The following GRID2 variants were observed in gnomAD, a reference collection of about 807,000 sequenced individuals.
The protein encoded by GRID2 is glutamate receptor ionotropic, delta-2.
In GRID2, 33 loss-of-function variants were observed where a neutral mutation model predicts 114.8. The observed-to-expected ratio is 0.29, with a 90% CI of 0.22 to 0.38. The LOEUF (loss-of-function observed/expected upper bound fraction) is 0.38, where lower values mean the gene tolerates loss of function less well. Among genes scored for constraint, GRID2 ranks in the 10% least tolerant of loss-of-function variants. The pLI, the probability that GRID2 is intolerant of heterozygous loss-of-function variation, is 1.00. For missense variants in GRID2, 1,184 were observed against 1,257.7 expected, an observed-to-expected ratio of 0.94 and a Z score of 0.89; for synonymous variants, 505 against 449.9, an observed-to-expected ratio of 1.12 and a Z score of -1.55.
intron 1 of GRID2, among the ~76,000 whole-genome samples, chr4:92,366,987 C>A (rs1728901961): frequency 6.6e-6 from 1 of 151,926 alleles, no homozygotes; most frequent in Non-Finnish European, 1.5e-5. Flanking sequence ...GTTGTCATAC[C>A]TCTATAGTCC....
Position 93,582,708 on chromosome 4 carries a change from G to GT in GRID2, c.2194-43553dup, listed in dbSNP as rs569936742. 3.2e-4 allele frequency among the ~76,000 whole-genome samples: 49 copies of GT among 151,326 alleles called. 1 individual carries two copies. The East Asian group carries it at 8.2e-3, about 25-fold the overall frequency. ...GAGACCTTACTTGTTATGTATTTGT[G>GT]TTTTTTTTAATAATAAAATAAGGAG... On this transcript the variant is annotated intron_variant, in intron 13 of 15. Coordinates refer to ENST00000282020, the MANE Select transcript of GRID2 (RefSeq NM_001510.4).
chr4:92,831,020 T>C (rs905858922), intron 2 of GRID2, among the ~76,000 whole-genome samples: 3 of 152,164 alleles, frequency 2.0e-5, no homozygotes, highest in Admixed American at 6.6e-5. Context: ...CAATGCCATA[T>C]TGCCTGACAT....
At chr4:93,166,467 C>A (rs935231585) in intron 4 of GRID2, among the ~76,000 whole-genome samples, 2 of 152,098 alleles carry the variant, frequency 1.3e-5, no homozygotes, top group South Asian at 2.1e-4. Context: ...GAGAAAGAGA[C>A]CTTATCTCTG....
chr4:92,419,675 G>C (rs1018152847), intron 1 of GRID2, among the ~76,000 whole-genome samples: 20 of 151,942 alleles, frequency 1.3e-4, no homozygotes, highest in Admixed American at 9.9e-4. Flanking sequence ...AATGAGCAAA[G>C]CTTGAGAGGA....
At chr4:93,587,924 A>C (rs1298159519) in intron 13 of GRID2, among the ~76,000 whole-genome samples, 33 of 152,264 alleles carry the variant, frequency 2.2e-4, no homozygotes, top group Non-Finnish European at 2.9e-5. Context: ...GTTATCAGAT[A>C]ATCATTCTTT....
At chr4:92,880,585 C>T (rs1434658170) in intron 2 of GRID2, among the ~76,000 whole-genome samples, 1 of 151,976 alleles carries the variant, frequency 6.6e-6, no homozygotes. Context: ...GTGTTTGTTT[C>T]GTTTCAACAT....
intron 2 of GRID2, among the ~76,000 whole-genome samples, chr4:93,078,779 G>GTATATAAATATAATTATATTTATGTACTA (rs1387843347): frequency 1.0e-4 from 13 of 127,730 alleles, no homozygotes; most frequent in East Asian, 4.6e-4. Flanking sequence ...TTTATATACT[G>GTATATAAATATAATTATATTTATGTACTA]TATATACTAA....
At chr4:92,323,368 C>A (rs1185084447) in intron 1 of GRID2, among the ~76,000 whole-genome samples, 1 of 152,000 alleles carries the variant, frequency 6.6e-6, no homozygotes, top group Non-Finnish European at 1.5e-5. Context: ...TCTCTAGATA[C>A]CATGTTATCT....
At chr4:92,435,041 T>A (rs374127438) in intron 1 of GRID2, among the ~76,000 whole-genome samples, 6 of 152,302 alleles carry the variant, frequency 3.9e-5, no homozygotes, top group African/African-American at 1.4e-4. Context: ...GATTATTATG[T>A]CTTTATGATA....
chr4:92,919,318 A>AT (rs1276831623), intron 2 of GRID2, among the ~76,000 whole-genome samples: 13 of 151,850 alleles, frequency 8.6e-5, no homozygotes, highest in Non-Finnish European at 1.8e-4. Context: ...GGATTCATTG[A>AT]TTTTTTTAAA....
At chr4:93,539,510 A>AC (rs1442823141) in intron 13 of GRID2, among the ~76,000 whole-genome samples, 1 of 151,872 alleles carries the variant, frequency 6.6e-6, no homozygotes. Flanking sequence ...CTGTTCCTTC[A>AC]CCAATATTCT....
At chr4:92,792,164 G>A (rs1032054183) in intron 2 of GRID2, among the ~76,000 whole-genome samples, 8 of 151,662 alleles carry the variant, frequency 5.3e-5, no homozygotes, top group Non-Finnish European at 1.2e-4. Context: ...TTACTGTGCA[G>A]CTTTAAGCTC....
intron 1 of GRID2, among the ~76,000 whole-genome samples, chr4:93,787,377 T>C (rs568973112): frequency 7.2e-5 from 11 of 151,916 alleles, no homozygotes; most frequent in Non-Finnish European, 1.5e-4. Context: ...AAAAAGCACA[T>C]TGGGAGAAAA....
rs192323178 is a variant in GRID2, at chr4:93,411,269, G to C, written c.1348-11502G>C. Reference sequence around the variant, plus strand: ...ACTATTGAGCATGAATACACAAAAAGTTTTTAAAGTACCCAGCACATACTA... The same window carrying C: ...ACTATTGAGCATGAATACACAAAAACTTTTTAAAGTACCCAGCACATACTA... On this transcript the variant is annotated intron_variant, in intron 9 of 15. Transcript: ENST00000282020. Among the ~76,000 whole-genome samples, 14 of 152,010 alleles carry C rather than the reference G, an allele frequency of 9.2e-5. 1 individual carries two copies. The highest frequency in any genetic ancestry group is 2.1e-4 in the South Asian group (1 of 4,808).
At chr4:92,479,952 G>A (rs114770449) in intron 1 of GRID2, among the ~76,000 whole-genome samples, 1,637 of 152,154 alleles carry the variant, frequency 0.011, 26 homozygotes, top group African/African-American at 0.037. Context: ...AAGTTTTAGC[G>A]TAATTGATAG....
chr4:92,743,553 A>G, intron 2 of GRID2, among the ~76,000 whole-genome samples: 1 of 152,204 alleles, frequency 6.6e-6, no homozygotes, highest in Non-Finnish European at 1.5e-5. Context: ...ATTTATATTT[A>G]TTTTTATTGT....
At chr4:92,801,913 T>C (rs1740191182) in intron 2 of GRID2, among the ~76,000 whole-genome samples, 1 of 151,856 alleles carries the variant, frequency 6.6e-6, no homozygotes, top group Non-Finnish European at 1.5e-5. Flanking sequence ...GTATGTAGCA[T>C]AGCCAAGATT....
chr4:92,664,168 C>A (rs2149271144), intron 2 of GRID2, among the ~76,000 whole-genome samples: 2 of 150,940 alleles, frequency 1.3e-5, no homozygotes, highest in South Asian at 2.1e-4. Context: ...AATTTCATTT[C>A]AGTTATTATA....
intron 8 of GRID2, among the ~76,000 whole-genome samples, chr4:93,366,908 G>T (rs1186828367): frequency 6.6e-6 from 1 of 151,772 alleles, no homozygotes. Flanking sequence ...ATTTGAAAAA[G>T]AATATATATG....
Sources: gnomAD v4.1 joint callset for allele counts (sites outside exome capture counted in the v4.1 genomes callset) on GRCh38, gnomAD v4.1.1 for gene constraint, MANE v1.5 for transcripts, NCBI Gene and HGNC (gene_info 2026-07-23, HGNC 2026-07-21) for gene names.